VSNL1: variants seen among roughly 807,000 people sequenced by gnomAD.
The protein encoded by VSNL1 is visinin-like protein 1.
VSNL1 carries 6 observed loss-of-function variants against 20.4 expected under a neutral mutation model. That is an observed-to-expected ratio of 0.29 (90% CI 0.16 to 0.58). The LOEUF is 0.58. VSNL1 is among the 20% of genes least tolerant of loss of function. The pLI is 0.90. For missense variants in VSNL1, 100 were observed against 234.5 expected, an observed-to-expected ratio of 0.43 and a Z score of 3.75; for synonymous variants, 93 against 86.4, an observed-to-expected ratio of 1.08 and a Z score of -0.42.
At chr2:17,651,235 C>A (rs1488811788) in intron 3 of VSNL1, among the ~76,000 whole-genome samples, 5 of 152,230 alleles carry the variant, frequency 3.3e-5, no homozygotes, top group African/African-American at 9.6e-5. Flanking sequence ...GACATACCCA[C>A]ACTTACACAA....
At chr2:17,592,379 C>T (rs557418735) in intron 2 of VSNL1, 143 bp downstream of exon 2, 34 of 902,900 alleles carry the variant, frequency 3.8e-5, no homozygotes, top group Non-Finnish European at 5.5e-5. Context: ...GAAAAATTAA[C>T]ATTTAAAAAT....
At chr2:17,646,497 G>A (rs977086177) in intron 2 of VSNL1, among the ~76,000 whole-genome samples, 1 of 152,158 alleles carries the variant, frequency 6.6e-6, no homozygotes, top group African/African-American at 2.4e-5. Context: ...ACCTTTCTAG[G>A]CTTCCACTTC....
chr2:17,597,016 C>T (rs954924599), intron 2 of VSNL1, among the ~76,000 whole-genome samples: 9 of 152,208 alleles, frequency 5.9e-5, no homozygotes, highest in African/African-American at 1.2e-4. Context: ...TCACAGGCCA[C>T]GTACGATGGC....
At chr2:17,591,471 T>A (rs1213315419) in intron 1 of VSNL1, among the ~76,000 whole-genome samples, 1 of 152,180 alleles carries the variant, frequency 6.6e-6, no homozygotes, top group East Asian at 1.9e-4. Flanking sequence ...CTGAAGACAA[T>A]GTTGTACGAA....
chr2:17,643,623 G>A (rs944618509), intron 2 of VSNL1, among the ~76,000 whole-genome samples: 13 of 152,260 alleles, frequency 8.5e-5, no homozygotes, highest in Non-Finnish European at 1.8e-4. Context: ...GGTCATTCTC[G>A]GCCCCGTTTA....
At chr2:17,606,936 G>A (rs570793883) in intron 2 of VSNL1, among the ~76,000 whole-genome samples, 92 of 152,236 alleles carry the variant, frequency 6.0e-4, no homozygotes, top group African/African-American at 1.9e-3. Context: ...GGATTTTATC[G>A]TGTCTGTGTG....
chr2:17,651,073 G>A (rs1465179061), intron 3 of VSNL1, among the ~76,000 whole-genome samples: 2 of 152,018 alleles, frequency 1.3e-5, no homozygotes, highest in South Asian at 4.2e-4. Flanking sequence ...TCCCTCCAAG[G>A]TCTCTCTATA....
chr2:17,580,411 G>T (rs1664323947), intron 1 of VSNL1, among the ~76,000 whole-genome samples: 1 of 152,124 alleles, frequency 6.6e-6, no homozygotes, highest in South Asian at 2.1e-4. Flanking sequence ...TGAAACTGTT[G>T]ACCACAAAAC....
intron 1 of VSNL1, among the ~76,000 whole-genome samples, chr2:17,563,594 G>C (rs1663868215): frequency 6.6e-6 from 1 of 152,108 alleles, no homozygotes; most frequent in African/African-American, 2.4e-5. Context: ...GCTGGGCGTG[G>C]TGGCACGCAC....
chr2:17,606,549 C>A (rs190416626), intron 2 of VSNL1, among the ~76,000 whole-genome samples: 1 of 152,276 alleles, frequency 6.6e-6, no homozygotes, highest in Admixed American at 6.5e-5. Flanking sequence ...AGAAGAAAAC[C>A]AAGGTGGGCT....
chr2:17,632,929 AGATC>A (rs1217915600), intron 2 of VSNL1, among the ~76,000 whole-genome samples: 2 of 152,242 alleles, frequency 1.3e-5, no homozygotes, highest in African/African-American at 4.8e-5. Flanking sequence ...CAAGGCAGGC[AGATC>A]ACTTGAAGCT....
intron 2 of VSNL1, among the ~76,000 whole-genome samples, chr2:17,621,107 A>G (rs1210067716): frequency 6.6e-6 from 1 of 152,212 alleles, no homozygotes; most frequent in East Asian, 1.9e-4. Context: ...AAGGAAAGCT[A>G]CTTTAAAAAC....
chr2:17,582,656 CG>C (rs1274283755), intron 1 of VSNL1, among the ~76,000 whole-genome samples: 1 of 151,806 alleles, frequency 6.6e-6, no homozygotes, highest in Non-Finnish European at 1.5e-5. Context: ...GTGAAGATGG[CG>C]GGCCACTTAC....
chr2:17,627,522 G>A (rs1160734096), intron 2 of VSNL1, among the ~76,000 whole-genome samples: 1 of 152,162 alleles, frequency 6.6e-6, no homozygotes, highest in Admixed American at 6.5e-5. Flanking sequence ...GAGTTTTTAA[G>A]GATAATTTGG....
At chr2:17,562,772 C>T (rs757266063) in intron 1 of VSNL1, among the ~76,000 whole-genome samples, 29 of 152,310 alleles carry the variant, frequency 1.9e-4, no homozygotes, top group Middle Eastern at 3.4e-3. Flanking sequence ...CAAGATGTTC[C>T]TCTAACTATA....
At chr2:17,542,003 G>C (rs963305131) in intron 1 of VSNL1, among the ~76,000 whole-genome samples, 1 of 152,178 alleles carries the variant, frequency 6.6e-6, no homozygotes, top group East Asian at 1.9e-4. Context: ...AAATAGAATT[G>C]TTGGTGGTTG....
chr2:17,561,967 G>A (rs1011482883), intron 1 of VSNL1, among the ~76,000 whole-genome samples: 1 of 152,266 alleles, frequency 6.6e-6, no homozygotes, highest in African/African-American at 2.4e-5. Context: ...GAATAAAAAT[G>A]TGACTCACAT....
intron 1 of VSNL1, among the ~76,000 whole-genome samples, chr2:17,563,909 A>G (rs1663875426): frequency 6.6e-6 from 1 of 152,074 alleles, no homozygotes; most frequent in Non-Finnish European, 1.5e-5. Flanking sequence ...TTTGTTTTAC[A>G]TAGTGGTGAC....
At chr2:17,629,929 T>C (rs779585345) in intron 2 of VSNL1, among the ~76,000 whole-genome samples, 1 of 152,212 alleles carries the variant, frequency 6.6e-6, no homozygotes, top group Non-Finnish European at 1.5e-5. Flanking sequence ...AGGCTTTTTA[T>C]GGACTCGGAA....
Sources: allele counts gnomAD v4.1 joint callset (sites outside exome capture counted in the v4.1 genomes callset), GRCh38; gene constraint gnomAD v4.1.1; transcripts MANE v1.5; gene names NCBI Gene and HGNC (gene_info 2026-07-23, HGNC 2026-07-21).